Variants in CD1B observed in about 807,000 individuals in gnomAD.
CD1B encodes CD1b molecule.
CD1B carries 43 observed loss-of-function variants against 39.8 expected under a neutral mutation model. The observed-to-expected ratio is 1.08, with a 90% confidence interval of 0.85 to 1.39. CD1B has a LOEUF of 1.39. Ranked by LOEUF, CD1B falls within the 40% of genes most tolerant of loss-of-function variation. The pLI is 0.00. For synonymous variants in CD1B, 192 were observed against 152.5 expected (o/e 1.26, Z -1.91); for missense variants, 495 against 403.8 (o/e 1.23, Z -1.94).
chr1:158,323,326 G>T (rs1652250829), downstream of CD1B, among the ~76,000 whole-genome samples: 1 of 151,132 alleles, frequency 6.6e-6, no homozygotes. Context: ...TTTAGCTCTA[G>T]GATTTCTGTT....
At chr1:158,295,820 A>G in the CD1B span, among the ~76,000 whole-genome samples, 4 of 146,920 alleles carry the variant, frequency 2.7e-5, no homozygotes, top group Non-Finnish European at 5.9e-5. Flanking sequence ...CCACCAAACC[A>G]CCAAATAGCT....
downstream of CD1B, among the ~76,000 whole-genome samples, chr1:158,324,823 G>C (rs540406771): frequency 6.6e-6 from 1 of 152,202 alleles, no homozygotes; most frequent in African/African-American, 2.4e-5. Context: ...GCCACATCAG[G>C]AAGTAATACA....
the CD1B span, among the ~76,000 whole-genome samples, chr1:158,317,532 T>C: frequency 3.9e-5 from 6 of 152,154 alleles, no homozygotes; most frequent in South Asian, 8.3e-4. Context: ...TTTTTTATTG[T>C]GTCTATTTGA....
the CD1B span, among the ~76,000 whole-genome samples, chr1:158,313,998 T>C: frequency 6.6e-6 from 1 of 152,176 alleles, no homozygotes; most frequent in Admixed American, 6.5e-5. Context: ...TTATATTATA[T>C]TATTTGTAAA....
chr1:158,331,498 ACC>A lies in CD1B; in HGVS notation c.-77_-76del. The stretch of plus-strand genomic sequence containing the variant: ...AATTTCAGCAAAGCTTTTCCTCAGT[ACC>A]CTGTAGTGACTTCTTCTCTCTTCCA... On this transcript the variant is annotated 5_prime_UTR_variant, in exon 1 of 6. Coordinates refer to ENST00000368168, the MANE Select transcript of CD1B (RefSeq NM_001764.3). The A allele has an allele frequency of 8.3e-7, 1 of 1,203,132 alleles. No homozygotes were observed. The highest frequency in any genetic ancestry group is 1.2e-6 in the Non-Finnish European group (1 of 818,192). The allele number at this position is 1,203,132 out of a possible 1,614,324, so 74.5% of individuals were successfully genotyped here.
chr1:158,329,043 T>C, intron 4 of CD1B, 29 bp from the exon 5 acceptor site: 1 of 1,544,332 alleles, frequency 6.5e-7, no homozygotes, highest in Non-Finnish European at 8.9e-7. Context: ...CAAAAGGATG[T>C]CACTTCAGAT....
At chr1:158,299,646 T>A in the CD1B span, among the ~76,000 whole-genome samples, 1 of 152,238 alleles carries the variant, frequency 6.6e-6, no homozygotes, top group Non-Finnish European at 1.5e-5. Context: ...GGCTATTAAT[T>A]ATTGCCTCAA....
At chr1:158,329,295 C>T in intron 4 of CD1B, 75 bp downstream of exon 4, 2 of 1,528,242 alleles carry the variant, frequency 1.3e-6, no homozygotes, top group Non-Finnish European at 1.8e-6. Flanking sequence ...CAAGCTCTAT[C>T]CTTCCCCAGT....
At chr1:158,327,478 T>A (rs936932304), downstream of CD1B, among the ~76,000 whole-genome samples, 9 of 151,722 alleles carry the variant, frequency 5.9e-5, no homozygotes, top group African/African-American at 2.2e-4. Flanking sequence ...ATCTACAATA[T>A]CAACTAAAAA....
At chr1:158,294,877 A>G in the CD1B span, among the ~76,000 whole-genome samples, 1 of 152,172 alleles carries the variant, frequency 6.6e-6, no homozygotes, top group Non-Finnish European at 1.5e-5. Context: ...AATTCCATGT[A>G]TGAATATAAC....
At chr1:158,312,526 A>G in the CD1B span, among the ~76,000 whole-genome samples, 1 of 152,024 alleles carries the variant, frequency 6.6e-6, no homozygotes, top group African/African-American at 2.4e-5. Flanking sequence ...GTCCTTTTCA[A>G]TTTCTTTCAT....
At chr1:158,312,976 C>G in the CD1B span, among the ~76,000 whole-genome samples, 2 of 152,068 alleles carry the variant, frequency 1.3e-5, no homozygotes, top group Non-Finnish European at 2.9e-5. Flanking sequence ...TTTATATTAG[C>G]TGTGGGTTTC....
chr1:158,291,271 T>C, the CD1B span: 1 of 1,614,154 alleles, frequency 6.2e-7, no homozygotes, highest in Non-Finnish European at 8.5e-7. Flanking sequence ...CACAATAATT[T>C]TCCTGCATAA....
chr1:158,312,769 G>T, the CD1B span, among the ~76,000 whole-genome samples: 1 of 152,088 alleles, frequency 6.6e-6, no homozygotes. Flanking sequence ...AGTATTTTCT[G>T]TATATAAAGT....
At chr1:158,317,769 G>A in the CD1B span, among the ~76,000 whole-genome samples, 1 of 151,970 alleles carries the variant, frequency 6.6e-6, no homozygotes, top group African/African-American at 2.4e-5. Flanking sequence ...TGTCAATTTT[G>A]GATGTTTCCT....
downstream of CD1B, among the ~76,000 whole-genome samples, chr1:158,325,127 C>T (rs1405729884): frequency 1.3e-5 from 2 of 151,938 alleles, no homozygotes; most frequent in African/African-American, 4.8e-5. Flanking sequence ...AAGATAATGT[C>T]TCTTTAGGAA....
the CD1B span, among the ~76,000 whole-genome samples, chr1:158,313,962 T>G: frequency 6.6e-6 from 1 of 152,168 alleles, no homozygotes; most frequent in Non-Finnish European, 1.5e-5. Flanking sequence ...TAGTTGTTCA[T>G]AATGGTCTCT....
chr1:158,290,271 T>A, the CD1B span: 1 of 644,162 alleles, frequency 1.6e-6, no homozygotes. Context: ...TGGAGGATGG[T>A]GGCAGAGCAT....
At chr1:158,326,027 T>C (rs910555177), downstream of CD1B, among the ~76,000 whole-genome samples, 10 of 152,214 alleles carry the variant, frequency 6.6e-5, no homozygotes, top group Admixed American at 2.6e-4. Flanking sequence ...TGGAGTGCAG[T>C]GGCGCGATCT....
Sources: gnomAD v4.1 joint callset for allele counts (sites outside exome capture counted in the v4.1 genomes callset) on GRCh38, gnomAD v4.1.1 for gene constraint, MANE v1.5 for transcripts, NCBI Gene and HGNC (gene_info 2026-07-23, HGNC 2026-07-21) for gene names.